The following NAALADL2 variants were observed in gnomAD, a reference collection of about 807,000 sequenced individuals.
NAALADL2 encodes N-acetylated alpha-linked acidic dipeptidase like 2.
In NAALADL2, 76 loss-of-function variants were observed where a neutral mutation model predicts 87.2. The ratio of observed to expected loss-of-function variants is 0.87; its 90% confidence interval spans 0.72 to 1.05. NAALADL2 has a LOEUF of 1.05. Among genes scored for constraint, NAALADL2 ranks in the 50% least tolerant of loss-of-function variants. The pLI is 0.00. For synonymous variants in NAALADL2, 354 were observed against 331.0 expected (o/e 1.07, Z -0.75); for missense variants, 1,089 against 945.8 (o/e 1.15, Z -1.99).
At chr3:174,878,561 C>A (rs1490527650) in intron 1 of NAALADL2, among the ~76,000 whole-genome samples, 1 of 152,054 alleles carries the variant, frequency 6.6e-6, no homozygotes, top group African/African-American at 2.4e-5. Context: ...TATTGCTCTG[C>A]ACCTAATGTC....
At chr3:175,420,376 A>T (rs1261473480) in intron 5 of NAALADL2, among the ~76,000 whole-genome samples, 1 of 151,986 alleles carries the variant, frequency 6.6e-6, no homozygotes, top group Non-Finnish European at 1.5e-5. Flanking sequence ...GAATAAGATG[A>T]CACATTTTTG....
At chr3:175,081,654 T>C (rs542088406) in intron 1 of NAALADL2, among the ~76,000 whole-genome samples, 2 of 152,184 alleles carry the variant, frequency 1.3e-5, no homozygotes, top group Non-Finnish European at 2.9e-5. Flanking sequence ...CTCTTCTTTA[T>C]TATCTTTTTA....
rs373674340 is a variant in NAALADL2, at chr3:174,878,892, AG to A, written c.43+19443del. Among the ~76,000 whole-genome samples, 1,091 of 152,254 alleles carry A rather than the reference AG, an allele frequency of 7.2e-3. 6 individuals are homozygous for A. The highest frequency in any genetic ancestry group is 0.011 in the Non-Finnish European group (768 of 67,980). ...ATAAAAAGAATGTGTATAGTGAAGA[AG>A]AGGACCCAATATGCCGACGCCATGC... On this transcript the variant is annotated intron_variant, in intron 1 of 13. Transcript: ENST00000454872.
At chr3:175,593,740 T>A (rs182016783) in intron 10 of NAALADL2, among the ~76,000 whole-genome samples, 5 of 150,296 alleles carry the variant, frequency 3.3e-5, no homozygotes, top group Non-Finnish European at 7.4e-5. Flanking sequence ...CCAAATTTCT[T>A]CTAAGGATGC....
At chr3:174,771,143 A>C (rs1714500707) in intron 3 of NAALADL2, among the ~76,000 whole-genome samples, 1 of 152,316 alleles carries the variant, frequency 6.6e-6, no homozygotes, top group African/African-American at 2.4e-5. Flanking sequence ...TTTCTAAATT[A>C]AATACATTCT....
At chr3:174,490,027 G>T (rs1438108381) in intron 1 of NAALADL2, among the ~76,000 whole-genome samples, 2 of 151,972 alleles carry the variant, frequency 1.3e-5, no homozygotes, top group African/African-American at 2.4e-5. Flanking sequence ...CATACCATAT[G>T]AACCTGATAT....
At chr3:175,530,129 G>A (rs746312315) in intron 9 of NAALADL2, among the ~76,000 whole-genome samples, 4 of 152,082 alleles carry the variant, frequency 2.6e-5, no homozygotes, top group African/African-American at 2.4e-5. Context: ...TGGGCCCATC[G>A]GGCGATGACA....
chr3:175,495,390 A>G (rs567527198), intron 9 of NAALADL2, among the ~76,000 whole-genome samples: 1 of 152,132 alleles, frequency 6.6e-6, no homozygotes, highest in Non-Finnish European at 1.5e-5. Context: ...ACTATGTCCA[A>G]TTCATTCAGA....
chr3:174,568,944 C>A (rs886488934), intron 2 of NAALADL2, among the ~76,000 whole-genome samples: 6 of 151,138 alleles, frequency 4.0e-5, no homozygotes, highest in African/African-American at 1.5e-4. Flanking sequence ...CATTATACCA[C>A]GTTTCCAGGT....
At chr3:174,979,400 G>A (rs1744816474) in intron 1 of NAALADL2, among the ~76,000 whole-genome samples, 1 of 147,544 alleles carries the variant, frequency 6.8e-6, no homozygotes, top group Non-Finnish European at 1.5e-5. Flanking sequence ...CCGCCTCCTG[G>A]GTTCACGCCA....
chr3:175,312,055 A>G (rs1758443440), intron 4 of NAALADL2, among the ~76,000 whole-genome samples: 1 of 152,182 alleles, frequency 6.6e-6, no homozygotes, highest in South Asian at 2.1e-4. Flanking sequence ...AAAAATGAGT[A>G]TATTTCTGAA....
intron 11 of NAALADL2, among the ~76,000 whole-genome samples, chr3:175,681,855 T>C (rs545210820): frequency 5.9e-5 from 9 of 152,308 alleles, no homozygotes; most frequent in African/African-American, 2.2e-4. Flanking sequence ...AATGTGAAAT[T>C]AGGTTAAAAA....
At chr3:174,866,389 A>T (rs958349418) in intron 1 of NAALADL2, among the ~76,000 whole-genome samples, 2 of 151,836 alleles carry the variant, frequency 1.3e-5, no homozygotes, top group Non-Finnish European at 3.0e-5. Flanking sequence ...TCTGCAGAAA[A>T]AATTTCAAAC....
intron 1 of NAALADL2, among the ~76,000 whole-genome samples, chr3:174,510,449 T>C (rs1480008254): frequency 3.9e-5 from 6 of 152,138 alleles, no homozygotes; most frequent in African/African-American, 1.2e-4. Flanking sequence ...GTATTATCTA[T>C]TTCATGTTGA....
chr3:175,618,476 T>A (rs1339136367), intron 10 of NAALADL2, among the ~76,000 whole-genome samples: 1 of 152,188 alleles, frequency 6.6e-6, no homozygotes, highest in Non-Finnish European at 1.5e-5. Context: ...TTGCAGCTTA[T>A]AACTTGACCA....
At chr3:175,029,951 G>A (rs143614511) in intron 1 of NAALADL2, among the ~76,000 whole-genome samples, 2 of 152,162 alleles carry the variant, frequency 1.3e-5, no homozygotes, top group African/African-American at 4.8e-5. Flanking sequence ...AAATTAGCAG[G>A]TCCTCCAGTT....
At chr3:174,926,094 A>G (rs1477135698) in intron 1 of NAALADL2, among the ~76,000 whole-genome samples, 1 of 152,184 alleles carries the variant, frequency 6.6e-6, no homozygotes, top group Non-Finnish European at 1.5e-5. Flanking sequence ...ATCAAGTGGA[A>G]GAAAGGGTAT....
At chr3:175,342,172 G>C (rs1425840643) in intron 5 of NAALADL2, among the ~76,000 whole-genome samples, 1 of 152,012 alleles carries the variant, frequency 6.6e-6, no homozygotes. Flanking sequence ...AGCATCTACT[G>C]TTTTAAAAGT....
At chr3:174,933,110 G>A (rs976874775) in intron 1 of NAALADL2, among the ~76,000 whole-genome samples, 1 of 152,076 alleles carries the variant, frequency 6.6e-6, no homozygotes, top group African/African-American at 2.4e-5. Flanking sequence ...AGAGTGAAAG[G>A]CCATCTCAAA....
Sources: allele counts gnomAD v4.1 joint callset (sites outside exome capture counted in the v4.1 genomes callset), GRCh38; gene constraint gnomAD v4.1.1; transcripts MANE v1.5; gene names NCBI Gene and HGNC (gene_info 2026-07-23, HGNC 2026-07-21).